Variants in SENP1 observed in about 807,000 individuals in gnomAD.
The protein encoded by SENP1 is sentrin-specific protease 1.
SENP1 carries 21 observed loss-of-function variants against 93.0 expected under a neutral mutation model. The observed-to-expected ratio is 0.23, with a 90% CI of 0.16 to 0.33. The LOEUF (loss-of-function observed/expected upper bound fraction) is 0.33. Ranked by LOEUF, SENP1 falls within the 10% of genes least tolerant of loss-of-function variation. The pLI is 1.00. For synonymous variants in SENP1, 256 were observed against 259.6 expected (o/e 0.99, Z 0.13); for missense variants, 591 against 758.7 (o/e 0.78, Z 2.60).
At chr12:48,049,310 G>T (rs1039095112) in intron 13 of SENP1, among the ~76,000 whole-genome samples, 178 bp from the exon 14 acceptor site, 38 of 152,340 alleles carry the variant, frequency 2.5e-4, no homozygotes, top group African/African-American at 8.4e-4. Flanking sequence ...GAAGGCTGAA[G>T]TGCTATAAAT....
chr12:48,049,261 C>G (rs1941608723), intron 13 of SENP1, 129 bp from the exon 14 acceptor site: 1 of 694,122 alleles, frequency 1.4e-6, no homozygotes, highest in East Asian at 2.6e-5. Context: ...CAACATCCAA[C>G]AGATTCATTT....
At chr12:48,082,911 AC>A (rs1007958986) in intron 6 of SENP1, among the ~76,000 whole-genome samples, 26 of 152,304 alleles carry the variant, frequency 1.7e-4, no homozygotes, top group African/African-American at 6.0e-4. Flanking sequence ...AATTAAAAAA[AC>A]AATTTTTTTT....
At chr12:48,099,173 A>G (rs1017363410) in intron 2 of SENP1, 7 of 151,924 alleles carry the variant, frequency 4.6e-5, no homozygotes, top group African/African-American at 1.7e-4. Flanking sequence ...AAACAAAACA[A>G]AACATTAGCC....
chr12:48,101,501 G>A lies in SENP1; in HGVS notation c.-29C>T. ...AAGTCTTTTCACATCACTGACTTTA[G>A]CAAAGATACAAAGTCCTATAAAAGA... On this transcript the variant is annotated 5_prime_UTR_variant, in exon 2 of 18. Coordinates refer to ENST00000549518, the MANE Select transcript of SENP1 (RefSeq NM_001267594.2). 6.3e-7 allele frequency: 1 copy of A among 1,586,104 alleles called. No homozygotes were observed. Among genetic ancestry groups the A allele is most frequent in the Non-Finnish European group, 8.6e-7 (1 of 1,163,280 alleles).
chr12:48,098,754 G>A (rs1489567059), intron 2 of SENP1, among the ~76,000 whole-genome samples: 2 of 151,970 alleles, frequency 1.3e-5, no homozygotes, highest in Admixed American at 1.3e-4. Flanking sequence ...CAAATTTACA[G>A]TGAGCTATCA....
chr12:48,054,143 C>T (rs1010823288), intron 13 of SENP1, among the ~76,000 whole-genome samples: 1 of 152,060 alleles, frequency 6.6e-6, no homozygotes, highest in Non-Finnish European at 1.5e-5. Context: ...TGCATAGGAT[C>T]GATCTACCTG....
intron 13 of SENP1, among the ~76,000 whole-genome samples, chr12:48,054,087 T>G (rs1428127434): frequency 6.6e-6 from 1 of 152,180 alleles, no homozygotes; most frequent in Non-Finnish European, 1.5e-5. Flanking sequence ...GGATAGGGCA[T>G]AGAGGGCTGA....
chr12:48,065,355 G>C (rs769447536), intron 11 of SENP1, 135 bp from the exon 12 acceptor site: 2 of 751,394 alleles, frequency 2.7e-6, no homozygotes, highest in Non-Finnish European at 4.2e-6. Context: ...TCGCTTTTTT[G>C]TAAAGTCAAA....
At chr12:48,064,561 C>T (rs1943170639) in intron 12 of SENP1, among the ~76,000 whole-genome samples, 1 of 152,162 alleles carries the variant, frequency 6.6e-6, no homozygotes, top group Non-Finnish European at 1.5e-5. Context: ...TTAAAAGCCA[C>T]CCATAGTTCT....
At chr12:48,069,930 T>G (rs2137004382) in intron 9 of SENP1, among the ~76,000 whole-genome samples, 1 of 152,334 alleles carries the variant, frequency 6.6e-6, no homozygotes, top group African/African-American at 2.4e-5. Flanking sequence ...TCATTACTCT[T>G]AATCTTCTCA....
At chr12:48,045,533 T>C (rs1370596781) in intron 17 of SENP1, 149 bp from the exon 18 acceptor site, 3 of 647,542 alleles carry the variant, frequency 4.6e-6, no homozygotes, top group Admixed American at 2.8e-5. Flanking sequence ...TGGTTACATG[T>C]AGTTTTTTTC....
chr12:48,056,062 A>G (rs1436668602), intron 13 of SENP1, among the ~76,000 whole-genome samples: 7 of 125,370 alleles, frequency 5.6e-5, no homozygotes, highest in African/African-American at 2.2e-4. Context: ...TGTATACTTA[A>G]TATACAGTAT....
At chr12:48,050,242 C>T (rs1201809468) in intron 13 of SENP1, among the ~76,000 whole-genome samples, 2 of 152,170 alleles carry the variant, frequency 1.3e-5, no homozygotes, top group Non-Finnish European at 2.9e-5. Context: ...TGGGAAAATG[C>T]CCCTGTTCTT....
rs1366277316 is a variant in SENP1, at chr12:48,078,206, T to C, written c.553-3413A>G. Among the ~76,000 whole-genome samples, 10 of 151,194 alleles carry C rather than the reference T, an allele frequency of 6.6e-5. No individual in the cohort carries two copies. In the East Asian group the frequency reaches 1.7e-3, roughly 26 times the overall value. On this transcript the variant is annotated intron_variant, in intron 6 of 17. Transcript: ENST00000549518. ...TTGTTCTCTTGGCTTCTTTTTTGCA[T>C]AGTTCATTGTTAACAGTGCATAGAA...
chr12:48,071,836 TA>T, intron 8 of SENP1, 115 bp from the exon 9 acceptor site: 1 of 686,596 alleles, frequency 1.5e-6, no homozygotes, highest in Non-Finnish European at 2.5e-6. Flanking sequence ...AAAAATAACA[TA>T]AGAACAAAGG....
chr12:48,099,797 A>G (rs995741752), intron 2 of SENP1, among the ~76,000 whole-genome samples: 4 of 152,248 alleles, frequency 2.6e-5, no homozygotes, highest in Admixed American at 2.0e-4. Context: ...CAAGAGAGTG[A>G]GACCCTGTCT....
chr12:48,061,794 T>A (rs888535799), intron 13 of SENP1, among the ~76,000 whole-genome samples: 2 of 152,186 alleles, frequency 1.3e-5, no homozygotes, highest in Non-Finnish European at 2.9e-5. Context: ...GGGCAGTAAC[T>A]TTGAAAGCCT....
chr12:48,059,814 G>A (rs953356586), intron 13 of SENP1, among the ~76,000 whole-genome samples: 3 of 151,952 alleles, frequency 2.0e-5, no homozygotes, highest in African/African-American at 7.3e-5. Context: ...TTTATTCTAG[G>A]GTCAGTTTTG....
At chr12:48,066,752 T>C (rs911981518) in intron 10 of SENP1, among the ~76,000 whole-genome samples, 175 bp downstream of exon 10, 3 of 152,148 alleles carry the variant, frequency 2.0e-5, no homozygotes, top group Non-Finnish European at 4.4e-5. Context: ...CCTCAGATGA[T>C]CCACCTGCCT....
Sources: gnomAD v4.1 joint callset for allele counts (sites outside exome capture counted in the v4.1 genomes callset) on GRCh38, gnomAD v4.1.1 for gene constraint, MANE v1.5 for transcripts, NCBI Gene and HGNC (gene_info 2026-07-23, HGNC 2026-07-21) for gene names.